The following PAPPA variants were observed in gnomAD, a reference collection of about 807,000 sequenced individuals.
PAPPA encodes pappalysin-1.
Under a neutral mutation model 164.0 loss-of-function variants are expected in PAPPA, and 60 were observed. The ratio of observed to expected loss-of-function variants is 0.37; its 90% CI spans 0.30 to 0.45. The LOEUF (loss-of-function observed/expected upper bound fraction) is 0.45, where lower values mean the gene tolerates loss of function less well. Among genes scored for constraint, PAPPA ranks in the 20% least tolerant of loss-of-function variants. The pLI is 1.00. For missense variants in PAPPA, 1,782 were observed against 2,087.3 expected (o/e 0.85, Z 2.85); for synonymous variants, 875 against 814.1 (o/e 1.07, Z -1.27).
At chr9:116,353,448 T>C (rs1846310373) in intron 16 of PAPPA, among the ~76,000 whole-genome samples, 174 bp from the exon 17 acceptor site, 1 of 152,176 alleles carries the variant, frequency 6.6e-6, no homozygotes, top group African/African-American at 2.4e-5. Context: ...CTAAAGGAGT[T>C]CTGTGGATGA....
rs1844423942 is a variant in PAPPA, at chr9:116,220,034, A to G, written c.2016A>G (p.Pro672=). 6.2e-7 allele frequency: 1 copy of G among 1,614,052 alleles called. No homozygotes were observed. Among genetic ancestry groups the G allele is most frequent in the East Asian group, 2.2e-5 (1 of 44,888 alleles). The part of the protein sequence containing the change: ...VYQGWQPSRK[P]APVALAPQVL... ...AGGGCTGGCAGCCCTCCAGGAAACC[A>G]GCGCCTGTTGCCCTCGCCCCCCAAG... is the stretch of plus-strand genomic sequence containing the variant. Residue 672 remains proline, a synonymous_variant, in exon 5 of 22, where the codon CCA becomes CCG. Coordinates refer to ENST00000328252, the MANE Select transcript of PAPPA (RefSeq NM_002581.5).
Position 116,323,099 on chromosome 9 carries a change from G to A in PAPPA, c.3148-8145G>A, listed in dbSNP as rs544010362. Reference sequence around the variant, plus strand: ...CCCCCGCTCCCCCTCTTCTCCCTCCGTCTCCCTGCCTTTGTGTACATCGTG... The same window carrying A: ...CCCCCGCTCCCCCTCTTCTCCCTCCATCTCCCTGCCTTTGTGTACATCGTG... On this transcript the variant is annotated intron_variant, in intron 10 of 21. Transcript: ENST00000328252. Among the ~76,000 whole-genome samples the A allele has an allele frequency of 6.6e-4, 101 of 152,180 alleles. 1 individual carries two copies. Among genetic ancestry groups the A allele is most frequent in the African/African-American group, 2.1e-3 (88 of 41,524 alleles).
At chr9:116,319,280 T>G (rs1352226071) in intron 10 of PAPPA, among the ~76,000 whole-genome samples, 1 of 151,984 alleles carries the variant, frequency 6.6e-6, no homozygotes, top group Non-Finnish European at 1.5e-5. Context: ...CACTAATCAC[T>G]CTCCCTTGTT....
At chr9:116,160,443 A>G (rs2118974160) in intron 1 of PAPPA, among the ~76,000 whole-genome samples, 1 of 152,338 alleles carries the variant, frequency 6.6e-6, no homozygotes, top group Admixed American at 6.5e-5. Flanking sequence ...TAAGAAAGGG[A>G]AGCTCAGCTC....
chr9:116,330,692 T>A (rs937187151), intron 10 of PAPPA, among the ~76,000 whole-genome samples: 10 of 152,180 alleles, frequency 6.6e-5, no homozygotes, highest in Non-Finnish European at 2.9e-5. Flanking sequence ...AATACTAATG[T>A]TTTCAGTCTT....
intron 19 of PAPPA, among the ~76,000 whole-genome samples, chr9:116,372,011 T>C (rs1846581770): frequency 6.6e-6 from 1 of 152,254 alleles, no homozygotes; most frequent in Admixed American, 6.5e-5. Context: ...AAGTGTGTTT[T>C]CAACTTCTAT....
At chr9:116,189,845 C>A (rs1157268398) in intron 2 of PAPPA, among the ~76,000 whole-genome samples, 1 of 152,196 alleles carries the variant, frequency 6.6e-6, no homozygotes, top group African/African-American at 2.4e-5. Flanking sequence ...CGTGCGTGAA[C>A]AAAATACCTA....
At chr9:116,374,238 G>C (rs976859780) in intron 19 of PAPPA, among the ~76,000 whole-genome samples, 5 of 150,700 alleles carry the variant, frequency 3.3e-5, no homozygotes, top group African/African-American at 1.2e-4. Flanking sequence ...CAGTGATGAT[G>C]ATGGTAATTG....
At chr9:116,307,515 G>A (rs1172063497) in intron 10 of PAPPA, among the ~76,000 whole-genome samples, 2 of 152,028 alleles carry the variant, frequency 1.3e-5, no homozygotes, top group Non-Finnish European at 2.9e-5. Flanking sequence ...CAGGAGAATC[G>A]CTTGAACCCG....
chr9:116,272,938 CTT>C (rs1845154654), intron 9 of PAPPA, among the ~76,000 whole-genome samples: 1 of 152,182 alleles, frequency 6.6e-6, no homozygotes, highest in African/African-American at 2.4e-5. Flanking sequence ...TAACTCTTAA[CTT>C]AAGAGCCTTA....
chr9:116,184,125 GGA>G (rs1164563439), intron 1 of PAPPA, among the ~76,000 whole-genome samples: 4 of 152,036 alleles, frequency 2.6e-5, no homozygotes, highest in African/African-American at 9.7e-5. Flanking sequence ...GGGTTAGCTG[GGA>G]GAGAGAGAGA....
At chr9:116,232,062 T>C (rs1008661254) in intron 6 of PAPPA, among the ~76,000 whole-genome samples, 1 of 152,018 alleles carries the variant, frequency 6.6e-6, no homozygotes, top group Non-Finnish European at 1.5e-5. Context: ...CCAACAGTGG[T>C]TTTTCTAAAA....
intron 13 of PAPPA, among the ~76,000 whole-genome samples, chr9:116,339,951 A>G (rs1262365763): frequency 6.6e-6 from 1 of 152,188 alleles, no homozygotes; most frequent in Non-Finnish European, 1.5e-5. Flanking sequence ...AAAGGTAAAT[A>G]TATTAAACAT....
rs574478173 is a variant in PAPPA, at chr9:116,372,185, C to CA, written c.4605+4432dup. Among the ~76,000 whole-genome samples the CA allele has an allele frequency of 2.1e-4, 32 of 152,240 alleles. No individual in the cohort carries two copies. The East Asian group carries it at 5.4e-3, about 26-fold the overall frequency. ...CTCAATAATAGGTGGAAATGCCCCT[C>CA]AGGTTCAATGCTAGAGAGAAACTGC... On this transcript the variant is annotated intron_variant, in intron 19 of 21. Transcript: ENST00000328252.
At chr9:116,233,855 A>G (rs2118739854) in intron 6 of PAPPA, among the ~76,000 whole-genome samples, 1 of 151,970 alleles carries the variant, frequency 6.6e-6, no homozygotes, top group East Asian at 1.9e-4. Flanking sequence ...GTCTAGGGTC[A>G]CCACCACCCT....
chr9:116,342,037 A>G (rs1846145019), intron 13 of PAPPA, among the ~76,000 whole-genome samples: 1 of 152,188 alleles, frequency 6.6e-6, no homozygotes, highest in Non-Finnish European at 1.5e-5. Context: ...GGAGGGCACT[A>G]TTTATACTTT....
chr9:116,299,764 C>T (rs1367763851), intron 9 of PAPPA, among the ~76,000 whole-genome samples: 4 of 152,150 alleles, frequency 2.6e-5, no homozygotes, highest in African/African-American at 9.7e-5. Context: ...AAGCAGATGG[C>T]TTCTTCCTCA....
At chr9:116,390,690 C>T (rs979685631) in intron 21 of PAPPA, among the ~76,000 whole-genome samples, 1 of 126,172 alleles carries the variant, frequency 7.9e-6, no homozygotes, top group Non-Finnish European at 1.8e-5. Flanking sequence ...AAACCCTCTG[C>T]CTCCCCCTGC....
intron 5 of PAPPA, among the ~76,000 whole-genome samples, chr9:116,221,842 A>G (rs1481270628): frequency 6.6e-6 from 1 of 152,274 alleles, no homozygotes; most frequent in Non-Finnish European, 1.5e-5. Context: ...CAAGACACAC[A>G]AATGGCCAAC....
Sources: gnomAD v4.1 joint callset for allele counts (sites outside exome capture counted in the v4.1 genomes callset) on GRCh38, gnomAD v4.1.1 for gene constraint, MANE v1.5 for transcripts, NCBI Gene and HGNC (gene_info 2026-07-23, HGNC 2026-07-21) for gene names.